RYR2: variants seen among roughly 807,000 people sequenced by gnomAD.
RYR2 encodes ryanodine receptor 2, also known as cardiac muscle ryanodine receptor-calcium release channel.
A neutral mutation model predicts 601.1 loss-of-function variants in RYR2; 227 were observed. The ratio of observed to expected loss-of-function variants is 0.38; its 90% CI spans 0.34 to 0.42. RYR2 has a LOEUF of 0.42. Among genes scored for constraint, RYR2 ranks in the 10% least tolerant of loss-of-function variants. The pLI, the probability that RYR2 is intolerant of heterozygous loss-of-function variation, is 1.00. For missense variants in RYR2, 4,646 were observed against 6,156.5 expected (o/e 0.75, Z 8.21); for synonymous variants, 2,223 against 2,175.1 (o/e 1.02, Z -0.61).
intron 60 of RYR2, among the ~76,000 whole-genome samples, chr1:237,675,841 A>ATT (rs1312887715): frequency 6.6e-6 from 1 of 152,166 alleles, no homozygotes; most frequent in East Asian, 1.9e-4. Context: ...CTCATAAACA[A>ATT]TTGACTTCTC....
chr1:237,208,047 G>T (rs1682010374), intron 1 of RYR2, among the ~76,000 whole-genome samples: 1 of 152,212 alleles, frequency 6.6e-6, no homozygotes, highest in South Asian at 2.1e-4. Context: ...AGGATGAACT[G>T]ATGTTGGTTG....
At chr1:237,134,386 G>A (rs112875684) in intron 1 of RYR2, among the ~76,000 whole-genome samples, 10 of 152,102 alleles carry the variant, frequency 6.6e-5, no homozygotes, top group Non-Finnish European at 1.0e-4. Flanking sequence ...ACAGTTCCAC[G>A]TGGCTGGGGA....
At chr1:237,194,357 T>C (rs1680323518) in intron 1 of RYR2, among the ~76,000 whole-genome samples, 1 of 152,204 alleles carries the variant, frequency 6.6e-6, no homozygotes, top group African/African-American at 2.4e-5. Context: ...AACCCCTTTG[T>C]TGGACCCACC....
At chr1:237,149,136 A>G (rs1674404147) in intron 1 of RYR2, among the ~76,000 whole-genome samples, 2 of 152,166 alleles carry the variant, frequency 1.3e-5, no homozygotes, top group South Asian at 4.1e-4. Context: ...GCAATAATTG[A>G]TACCAACCAT....
At chr1:237,451,693 A>G (rs1032545406) in intron 14 of RYR2, among the ~76,000 whole-genome samples, 1 of 152,106 alleles carries the variant, frequency 6.6e-6, no homozygotes, top group Non-Finnish European at 1.5e-5. Context: ...TATGCTTTTC[A>G]GTAAAATATT....
At position 237,530,925 on chromosome 1, in the gene RYR2, C is replaced by T. The variant is rs145903382; in HGVS notation, c.2906+415C>T. 4.2e-3 allele frequency among the ~76,000 whole-genome samples: 623 copies of T among 149,464 alleles called. 4 individuals carry two copies. The highest frequency in any genetic ancestry group is 0.014 in the African/African-American group (589 of 40,674). On this transcript the variant is annotated intron_variant, in intron 25 of 104. Transcript: ENST00000366574. ...ACTCCATCTCAAAAAAAAAAAAATT[C>T]AGATTCAAAAATTTAAACTAACTGA...
Position 237,278,119 on chromosome 1 carries a change from A to G in RYR2, c.168+7503A>G, listed in dbSNP as rs77222581. Reference sequence around the variant, plus strand: ...AGGATCTGGCTGTTTTGCCCAGGCTAGAGTGAAGTTGCATGATCTTGGCTC... The same window carrying G: ...AGGATCTGGCTGTTTTGCCCAGGCTGGAGTGAAGTTGCATGATCTTGGCTC... On this transcript the variant is annotated intron_variant, in intron 2 of 104. Coordinates refer to ENST00000366574, the MANE Select transcript of RYR2 (RefSeq NM_001035.3). Among the ~76,000 whole-genome samples the G allele has an allele frequency of 4.3e-3, 651 of 151,852 alleles. 6 individuals carry two copies. The highest frequency in any genetic ancestry group is 0.015 in the African/African-American group (623 of 41,416).
At chr1:237,567,299 C>T (rs1419556712) in intron 28 of RYR2, among the ~76,000 whole-genome samples, 1 of 149,156 alleles carries the variant, frequency 6.7e-6, no homozygotes, top group Non-Finnish European at 1.5e-5. Context: ...ATATTTTGAT[C>T]AGTAATATGG....
chr1:237,099,165 G>C (rs1432050292), intron 1 of RYR2, among the ~76,000 whole-genome samples: 1 of 151,742 alleles, frequency 6.6e-6, no homozygotes, highest in African/African-American at 2.4e-5. Flanking sequence ...AGTTAATTCA[G>C]CCCAGCTGGT....
intron 63 of RYR2, among the ~76,000 whole-genome samples, chr1:237,695,114 C>A (rs1687303203): frequency 6.6e-6 from 1 of 151,778 alleles, no homozygotes; most frequent in South Asian, 2.1e-4. Flanking sequence ...TTGAGAATTC[C>A]TGAGTTATAG....
chr1:237,329,242 G>T (rs1445752571), intron 2 of RYR2, among the ~76,000 whole-genome samples: 1 of 151,864 alleles, frequency 6.6e-6, no homozygotes, highest in African/African-American at 2.4e-5. Context: ...TCATACAGTG[G>T]TGTGACCATG....
At chr1:237,274,133 TATG>T (rs138855773) in intron 2 of RYR2, among the ~76,000 whole-genome samples, 5,969 of 148,348 alleles carry the variant, frequency 0.04, 377 homozygotes, top group African/African-American at 0.14. Context: ...AGGTATTACA[TATG>T]ATAACTATAT....
intron 3 of RYR2, among the ~76,000 whole-genome samples, chr1:237,348,463 G>A (rs1433649318): frequency 6.6e-6 from 1 of 152,142 alleles, no homozygotes; most frequent in African/African-American, 2.4e-5. Context: ...GAGGGGTTTT[G>A]ATAATCATTC....
intron 2 of RYR2, among the ~76,000 whole-genome samples, chr1:237,320,768 C>G (rs1380213579): frequency 6.6e-6 from 1 of 152,182 alleles, no homozygotes; most frequent in Non-Finnish European, 1.5e-5. Context: ...TACAGCACAT[C>G]CATCCAGACA....
At chr1:237,563,949 A>G (rs1392164822) in intron 27 of RYR2, among the ~76,000 whole-genome samples, 1 of 152,190 alleles carries the variant, frequency 6.6e-6, no homozygotes, top group African/African-American at 2.4e-5. Context: ...TGACTATAGT[A>G]TATACTAATT....
chr1:237,164,974 CT>C (rs33976720), intron 1 of RYR2, among the ~76,000 whole-genome samples: 53,079 of 148,138 alleles, frequency 0.36, 9,468 homozygotes, highest in East Asian at 0.52. Context: ...GCTGTTTATT[CT>C]TTTTTTTTTT....
At chr1:237,154,354 G>T (rs1675074856) in intron 1 of RYR2, among the ~76,000 whole-genome samples, 1 of 152,194 alleles carries the variant, frequency 6.6e-6, no homozygotes. Context: ...GAGTGCTTTG[G>T]TGCAGGCAGC....
chr1:237,420,463 T>G (rs1408537745), intron 11 of RYR2, among the ~76,000 whole-genome samples: 1 of 152,208 alleles, frequency 6.6e-6, no homozygotes, highest in East Asian at 1.9e-4. Flanking sequence ...AATTGCTTTA[T>G]AAAACTCCAT....
At chr1:237,825,095 T>C (rs1662943341) in intron 101 of RYR2, among the ~76,000 whole-genome samples, 1 of 152,184 alleles carries the variant, frequency 6.6e-6, no homozygotes, top group South Asian at 2.1e-4. Flanking sequence ...CTGCCCAAAG[T>C]AATTTATAGA....
Sources: allele counts gnomAD v4.1 joint callset (sites outside exome capture counted in the v4.1 genomes callset), GRCh38; gene constraint gnomAD v4.1.1; transcripts MANE v1.5; gene names NCBI Gene and HGNC (gene_info 2026-07-23, HGNC 2026-07-21).